The following SUCLG1 variants were observed in gnomAD, a reference collection of about 807,000 sequenced individuals.
The protein encoded by SUCLG1 is succinate-CoA ligase GDP/ADP-forming subunit alpha.
SUCLG1 carries 26 observed loss-of-function variants against 37.3 expected under a neutral mutation model. That is an observed-to-expected ratio of 0.70 (90% confidence interval 0.51 to 0.97). The LOEUF is 0.97. SUCLG1 is among the 50% of genes least tolerant of loss of function. The pLI is 0.00. For synonymous variants in SUCLG1, 163 were observed against 155.6 expected (o/e 1.05, Z -0.36); for missense variants, 433 against 432.9 (o/e 1.00, Z 0.00).
chr2:84,454,310 T>C (rs1003689611), intron 1 of SUCLG1, among the ~76,000 whole-genome samples: 5 of 152,234 alleles, frequency 3.3e-5, no homozygotes, highest in Non-Finnish European at 5.9e-5. Flanking sequence ...TTTTAACATA[T>C]AATACATTTG....
At chr2:84,453,589 G>T (rs1218002452) in intron 1 of SUCLG1, among the ~76,000 whole-genome samples, 2 of 151,946 alleles carry the variant, frequency 1.3e-5, no homozygotes, top group African/African-American at 4.8e-5. Context: ...TAATTTTTTT[G>T]TACTTTTAGT....
intron 1 of SUCLG1, chr2:84,458,695 G>C (rs967971831): frequency 6.5e-6 from 1 of 153,822 alleles, no homozygotes; most frequent in Non-Finnish European, 1.4e-5. Context: ...CCTGCAGAGG[G>C]GGAATTCGAA....
At chr2:84,449,838 A>G in intron 1 of SUCLG1, 86 bp from the exon 2 acceptor site, 2 of 906,602 alleles carry the variant, frequency 2.2e-6, no homozygotes, top group Non-Finnish European at 3.2e-6. Context: ...ACTTGATCAC[A>G]AAAAAAAAAT....
chr2:84,432,184 G>C (rs1672623069), intron 6 of SUCLG1: 1 of 170,700 alleles, frequency 5.9e-6, no homozygotes, highest in Non-Finnish European at 1.2e-5. Flanking sequence ...TCTGGATCCA[G>C]AGTGGATGAT....
At position 84,459,162 on chromosome 2, in the gene SUCLG1, G is replaced by C. The variant is rs1245418837; in HGVS notation, c.97+11C>G. The C allele has an allele frequency of 6.5e-7, 1 of 1,548,844 alleles. No individual in the cohort carries two copies. Among genetic ancestry groups the C allele is most frequent in the Non-Finnish European group, 8.7e-7 (1 of 1,145,878 alleles). On this transcript the variant is annotated intron_variant, in intron 1 of 8. Transcript: ENST00000393868. The stretch of plus-strand genomic sequence containing the variant: ...CGCGGGCGCCAGGAAGACAGTACTG[G>C]CTGGACTCACGGAGGAAGCTGCGCG...
chr2:84,457,446 C>G (rs369103478), intron 1 of SUCLG1, among the ~76,000 whole-genome samples: 1 of 152,166 alleles, frequency 6.6e-6, no homozygotes, highest in Non-Finnish European at 1.5e-5. Context: ...CACTCTAGGG[C>G]CAAATGATCC....
Position 84,425,573 on chromosome 2 carries a change from T to A in SUCLG1, c.856A>T (p.Ile286Phe). Residue 286 changes from isoleucine to phenylalanine, a missense_variant, in exon 8 of 9, where the codon ATT becomes TTT. Coordinates refer to ENST00000393868, the MANE Select transcript of SUCLG1 (RefSeq NM_003849.4). The stretch of plus-strand genomic sequence containing the variant: ...CCAGGAGGAGCAGTTAAACCAGCAA[T>A]GAAGGACACTACAGGCTTGGAATTT... ...GPNSKPVVSF[I>F]AGLTAPPGRR... 4 of 1,614,202 alleles carry A rather than the reference T, an allele frequency of 2.5e-6. No individual in the cohort carries two copies. The highest frequency in any genetic ancestry group is 3.4e-6 in the Non-Finnish European group (4 of 1,180,032).
At chr2:84,450,412 G>GGAA (rs1558614484) in intron 1 of SUCLG1, among the ~76,000 whole-genome samples, 1 of 103,420 alleles carries the variant, frequency 9.7e-6, no homozygotes, top group Non-Finnish European at 2.1e-5. Context: ...AGCTTGTTAG[G>GGAA]AAAAAAAAAA....
intron 1 of SUCLG1, among the ~76,000 whole-genome samples, chr2:84,456,778 C>A (rs1397430922): frequency 3.9e-5 from 6 of 152,180 alleles, no homozygotes; most frequent in African/African-American, 1.4e-4. Flanking sequence ...ATTCTCCTGC[C>A]TTAGCCTCCT....
chr2:84,427,829 AT>A (rs1328738442), intron 7 of SUCLG1, among the ~76,000 whole-genome samples: 6 of 152,216 alleles, frequency 3.9e-5, no homozygotes, highest in African/African-American at 1.4e-4. Flanking sequence ...TTTACTTCCC[AT>A]TTTATCACAA....
At chr2:84,457,209 AGCT>A (rs1433138686) in intron 1 of SUCLG1, among the ~76,000 whole-genome samples, 14 of 152,186 alleles carry the variant, frequency 9.2e-5, no homozygotes, top group African/African-American at 3.4e-4. Flanking sequence ...GTGATGTTGT[AGCT>A]GCTATTTTTC....
chr2:84,455,523 C>G (rs1673006139), intron 1 of SUCLG1, among the ~76,000 whole-genome samples: 1 of 151,056 alleles, frequency 6.6e-6, no homozygotes, highest in African/African-American at 2.4e-5. Context: ...AGTAATAAGA[C>G]ACAACCTAAT....
chr2:84,429,401 ACTGT>A, intron 7 of SUCLG1, among the ~76,000 whole-genome samples: 1 of 152,178 alleles, frequency 6.6e-6, no homozygotes, highest in South Asian at 2.1e-4. Flanking sequence ...TATATTTCAA[ACTGT>A]ACAACTTTCT....
chr2:84,451,391 A>G (rs572609512), intron 1 of SUCLG1, among the ~76,000 whole-genome samples: 1 of 152,310 alleles, frequency 6.6e-6, no homozygotes, highest in East Asian at 1.9e-4. Flanking sequence ...TGTTAACATA[A>G]AATACTTTTT....
intron 6 of SUCLG1, 108 bp from the exon 7 acceptor site, chr2:84,431,767 T>C (rs1225797886): frequency 1.3e-5 from 15 of 1,146,598 alleles, no homozygotes; most frequent in Non-Finnish European, 1.8e-5. Flanking sequence ...CCTTCTCTCT[T>C]ATATTTTTAA....
At chr2:84,443,985 G>A (rs574912672) in intron 2 of SUCLG1, among the ~76,000 whole-genome samples, 1 of 152,266 alleles carries the variant, frequency 6.6e-6, no homozygotes, top group South Asian at 2.1e-4. Context: ...ATTTTGGACA[G>A]GATGATTCTT....
intron 2 of SUCLG1, 97 bp from the exon 3 acceptor site, chr2:84,443,497 T>C: frequency 1.1e-6 from 1 of 936,754 alleles, no homozygotes; most frequent in African/African-American, 1.6e-5. Context: ...GAAAAACAAA[T>C]AGGTTAACTA....
chr2:84,435,670 G>C (rs1188873557), intron 5 of SUCLG1, among the ~76,000 whole-genome samples: 1 of 152,198 alleles, frequency 6.6e-6, no homozygotes, highest in Admixed American at 6.5e-5. Flanking sequence ...ATACTAGCAT[G>C]TACAACTACA....
intron 5 of SUCLG1, among the ~76,000 whole-genome samples, chr2:84,437,111 C>T (rs1423179409): frequency 6.6e-6 from 1 of 152,204 alleles, no homozygotes; most frequent in East Asian, 1.9e-4. Context: ...CATCCTCTGT[C>T]TTCAACACGG....
Sources: gnomAD v4.1 joint callset for allele counts (sites outside exome capture counted in the v4.1 genomes callset) on GRCh38, gnomAD v4.1.1 for gene constraint, MANE v1.5 for transcripts, NCBI Gene and HGNC (gene_info 2026-07-23, HGNC 2026-07-21) for gene names.